Variants in INPP5D observed in about 807,000 individuals in gnomAD.
INPP5D encodes phosphatidylinositol 3,4,5-trisphosphate 5-phosphatase 1.
INPP5D carries 33 observed loss-of-function variants against 122.9 expected under a neutral mutation model. That is an observed-to-expected ratio of 0.27 (90% CI 0.20 to 0.36). INPP5D has a LOEUF of 0.36. Ranked by LOEUF, INPP5D falls within the 10% of genes least tolerant of loss-of-function variation. The pLI is 1.00. For synonymous variants in INPP5D, 584 were observed against 576.2 expected (o/e 1.01, Z -0.19); for missense variants, 1,053 against 1,412.7 (o/e 0.75, Z 4.08).
chr2:233,156,399 C>T (rs1257836029), intron 9 of INPP5D, among the ~76,000 whole-genome samples: 1 of 152,244 alleles, frequency 6.6e-6, no homozygotes, highest in African/African-American at 2.4e-5. Context: ...AAGCAATTCT[C>T]CTGCCTCAGC....
chr2:233,125,356 G>A (rs1485157969), intron 3 of INPP5D, among the ~76,000 whole-genome samples: 1 of 152,208 alleles, frequency 6.6e-6, no homozygotes, highest in Non-Finnish European at 1.5e-5. Context: ...TGGGAACTGG[G>A]CCTCTGCCTA....
intron 4 of INPP5D, 25 bp downstream of exon 4, chr2:233,125,944 G>A: frequency 6.2e-7 from 1 of 1,606,738 alleles, no homozygotes; most frequent in Non-Finnish European, 8.5e-7. Context: ...AAGTCCAGCT[G>A]GGCCTTCATC....
chr2:233,204,538 A>C lies in INPP5D; in HGVS notation c.3388A>C (p.Asn1130His), dbSNP rs567192065. ...CATCAAGCCTTCCAGATCGGAAATC[A>C]ACCAGCAGACCCCGCCCACCCCGAC... ...RPIKPSRSEI[N>H]QQTPPTPTPR... Residue 1130 changes from asparagine (N) to histidine (H), a missense_variant, in exon 26 of 27, where the codon AAC becomes CAC. Transcript: ENST00000445964. The C allele has an allele frequency of 3.0e-5, 47 of 1,578,674 alleles. No homozygotes were observed. The Admixed American group carries it at 8.2e-4, about 28-fold the overall frequency.
chr2:233,190,010 AGCTCACCTG>A, intron 22 of INPP5D, 73 bp downstream of exon 22: 13 of 1,572,556 alleles, frequency 8.3e-6, no homozygotes, highest in Non-Finnish European at 1.1e-5. Flanking sequence ...CCTTCAGGGG[AGCTCACCTG>A]GCACTTCCGG....
rs1296625704 is a variant in INPP5D at position 233,206,846 on chromosome 2, C to T, written c.*138C>T. The T allele has an allele frequency of 1.2e-5, 8 of 683,228 alleles. No homozygotes were observed. The highest frequency in any genetic ancestry group is 2.2e-5 in the Non-Finnish European group (8 of 366,202). The allele number at this position is 683,228 out of a possible 1,614,324, so 42.3% of individuals were successfully genotyped here. Reference sequence around the variant, plus strand: ...TTTGTGTTTTCAGGAAAGGGCCTAGCTTCTGTGTGGCCCACAGAGTTCACT... The same window carrying T: ...TTTGTGTTTTCAGGAAAGGGCCTAGTTTCTGTGTGGCCCACAGAGTTCACT... On this transcript the variant is annotated 3_prime_UTR_variant, in exon 27 of 27. Transcript: ENST00000445964. This position sits in a 1 kb window ranked among gnomAD's most constrained non-coding sequence, Gnocchi z 4.0.
At position 233,198,281 on chromosome 2, in the gene INPP5D, T is replaced by C. The variant is rs1276630547; in HGVS notation, c.2880T>C (p.Ser960=). 1 of 1,613,362 alleles carries C rather than the reference T, an allele frequency of 6.2e-7. No homozygotes were observed. Among genetic ancestry groups the C allele is most frequent in the Non-Finnish European group, 8.5e-7 (1 of 1,179,846 alleles). The change falls in exon 25 of 27, where the codon AGT becomes AGC. Residue 960 remains serine, a synonymous_variant. Transcript: ENST00000445964. The part of the protein sequence containing the change: ...DSPLGPCRGE[S]PPTPPGQPPI... ...CGCTGGGGCCCTGCAGGGGAGAAAG[T>C]CCTCCGACACCTCCCGGCCAGCCGC...
At chr2:233,093,728 A>G (rs1692050222) in intron 2 of INPP5D, among the ~76,000 whole-genome samples, 1 of 152,118 alleles carries the variant, frequency 6.6e-6, no homozygotes. Context: ...CAAGTGTTCA[A>G]TGAGGCATTT....
At chr2:233,176,346 TG>T (rs1239050467) in intron 17 of INPP5D, among the ~76,000 whole-genome samples, 29 of 148,242 alleles carry the variant, frequency 2.0e-4, no homozygotes, top group African/African-American at 5.0e-4. Context: ...GATGGATGGA[TG>T]GATGGATGGA....
chr2:233,065,445 T>C (rs866553748), intron 1 of INPP5D, among the ~76,000 whole-genome samples: 1 of 145,596 alleles, frequency 6.9e-6, no homozygotes, highest in African/African-American at 2.6e-5. Flanking sequence ...GCAGCTGGGA[T>C]TACAGGTGCC....
In INPP5D at chr2:233,137,224, A is replaced by T. The variant is rs1693485940; in HGVS notation, c.666-2618A>T. 1.4e-4 allele frequency among the ~76,000 whole-genome samples: 6 copies of T among 42,772 alleles called. No individual in the cohort carries two copies. In the South Asian group the frequency reaches 3.3e-3, roughly 23 times the overall value. The allele number at this position is 42,772 out of a possible 152,430, so 28.1% of individuals were successfully genotyped here. On this transcript the variant is annotated intron_variant, in intron 5 of 26. Coordinates refer to ENST00000445964, the MANE Select transcript of INPP5D (RefSeq NM_001017915.3). ...TAGTGACATGAAAAATGGAGGCTTTATCTAGGTCACTCCAAAGATGAGTCA... is the reference window on the plus strand; with the variant it reads ...TAGTGACATGAAAAATGGAGGCTTTTTCTAGGTCACTCCAAAGATGAGTCA...
intron 1 of INPP5D, among the ~76,000 whole-genome samples, chr2:233,069,161 C>T (rs1464717954): frequency 3.9e-5 from 6 of 152,114 alleles, no homozygotes; most frequent in African/African-American, 4.8e-5. Context: ...TAGGAAAACA[C>T]GATATTAACA....
intron 4 of INPP5D, among the ~76,000 whole-genome samples, chr2:233,127,449 C>T (rs1286410846): frequency 6.6e-6 from 1 of 152,186 alleles, no homozygotes; most frequent in Non-Finnish European, 1.5e-5. Flanking sequence ...AGAGGACTGC[C>T]TTTTGATTAT....
At chr2:233,144,515 G>A (rs1693701698) in intron 6 of INPP5D, among the ~76,000 whole-genome samples, 2 of 146,660 alleles carry the variant, frequency 1.4e-5, no homozygotes, top group Non-Finnish European at 3.0e-5. Flanking sequence ...GATGGTGGTG[G>A]TGATGGTGAT....
Position 233,112,735 on chromosome 2 carries a change from G to T in INPP5D, c.199-9372G>T, listed in dbSNP as rs376850562. 1.5e-4 allele frequency among the ~76,000 whole-genome samples: 23 copies of T among 152,180 alleles called. No individual in the cohort carries two copies. The East Asian group carries it at 4.3e-3, about 28-fold the overall frequency. ...TGCCTAGGCTGGAGTGCAGTGGTAC[G>T]ATCTCAGCTCACTGCAACCTCTGCC... is the stretch of plus-strand genomic sequence containing the variant. On this transcript the variant is annotated intron_variant, in intron 2 of 26. Coordinates refer to ENST00000445964, the MANE Select transcript of INPP5D (RefSeq NM_001017915.3).
At chr2:233,090,131 G>A (rs1024122924) in intron 2 of INPP5D, among the ~76,000 whole-genome samples, 4 of 152,168 alleles carry the variant, frequency 2.6e-5, no homozygotes, top group African/African-American at 4.8e-5. Flanking sequence ...AGGATGCGTC[G>A]CCATCCCCTG....
rs1692287261 is a variant in INPP5D, at chr2:233,100,683, G to A, written c.198+21285G>A. 6.6e-6 allele frequency among the ~76,000 whole-genome samples: 1 copy of A among 152,160 alleles called. No individual in the cohort carries two copies. The highest frequency in any genetic ancestry group is 2.4e-5 in the African/African-American group (1 of 41,428). On this transcript the variant is annotated intron_variant, in intron 2 of 26. Coordinates refer to ENST00000445964, the MANE Select transcript of INPP5D (RefSeq NM_001017915.3). This position sits in a 1 kb window ranked among gnomAD's most constrained non-coding sequence, Gnocchi z 5.3. ...GTCGTCACAGCCTGTTTTCTGCCTT[G>A]GGGTTTGGTCCCAGTTCCTCAGAGC...
chr2:233,068,788 T>C (rs1043567514), intron 1 of INPP5D, among the ~76,000 whole-genome samples: 7 of 152,064 alleles, frequency 4.6e-5, no homozygotes, highest in Admixed American at 2.6e-4. Context: ...GAGGCCTCCT[T>C]GGAGGAAGCA....
At chr2:233,158,223 T>G in intron 9 of INPP5D, 90 bp from the exon 10 acceptor site, 3 of 608,284 alleles carry the variant, frequency 4.9e-6, no homozygotes, top group South Asian at 1.9e-5. Context: ...GGGACGGGAG[T>G]TGATAGTCAG....
At chr2:233,061,986 A>G (rs970145692) in intron 1 of INPP5D, among the ~76,000 whole-genome samples, 2 of 152,214 alleles carry the variant, frequency 1.3e-5, no homozygotes, top group Non-Finnish European at 2.9e-5. Context: ...CCACCTCCAA[A>G]GACTGGTTTC....
Sources: gnomAD v4.1 joint callset for allele counts (sites outside exome capture counted in the v4.1 genomes callset) on GRCh38, gnomAD v4.1.1 for gene constraint, Gnocchi (gnomAD v3.1) non-coding constraint, MANE v1.5 for transcripts, NCBI Gene and HGNC (gene_info 2026-07-23, HGNC 2026-07-21) for gene names.